CHCT1: variants seen among roughly 807,000 people sequenced by gnomAD.
The protein encoded by CHCT1 is CHD1 helical C-terminal domain containing protein 1.
At chr17:60,428,394 G>T in the CHCT1 span, among the ~76,000 whole-genome samples, 3 of 151,930 alleles carry the variant, frequency 2.0e-5, no homozygotes, top group Admixed American at 2.0e-4. Flanking sequence ...CTCTGAACAT[G>T]TAACGATTGG....
chr17:60,422,338 T>A, the CHCT1 span: 9 of 874,392 alleles, frequency 1.0e-5, no homozygotes, highest in Non-Finnish European at 1.5e-5. Context: ...AAGTCTTCGC[T>A]CGACCCCGCA....
the CHCT1 span, chr17:60,426,228 A>C: frequency 1.9e-6 from 3 of 1,551,888 alleles, no homozygotes; most frequent in South Asian, 1.2e-5. Flanking sequence ...GACCTTCCCC[A>C]GAAGAAGAAG....
At chr17:60,421,372 C>T in the CHCT1 span, 1 of 985,380 alleles carries the variant, frequency 1.0e-6, no homozygotes, top group East Asian at 1.1e-4. Flanking sequence ...GCTACCCCTA[C>T]TTGAAGCCGC....
chr17:60,431,172 C>T, the CHCT1 span: 3 of 1,579,196 alleles, frequency 1.9e-6, no homozygotes, highest in South Asian at 3.4e-5. Context: ...CTGACCTTCT[C>T]TTTTTCAGAT....
At chr17:60,426,057 G>T in the CHCT1 span, 1 of 1,341,726 alleles carries the variant, frequency 7.5e-7, no homozygotes, top group Non-Finnish European at 1.0e-6. Flanking sequence ...CGCAGCACTG[G>T]GCCACTCAGG....
At chr17:60,423,519 A>G in the CHCT1 span, among the ~76,000 whole-genome samples, 2 of 151,426 alleles carry the variant, frequency 1.3e-5, no homozygotes, top group Admixed American at 1.3e-4. Flanking sequence ...GCTGGAGTGC[A>G]GTGGCTCAGT....
the CHCT1 span, chr17:60,429,650 A>T: frequency 3.1e-6 from 4 of 1,299,702 alleles, no homozygotes; most frequent in South Asian, 5.6e-5. Context: ...AGCAGCCGGG[A>T]GCCTCTGCCC....
the CHCT1 span, chr17:60,421,768 C>T: frequency 2.2e-6 from 2 of 896,562 alleles, no homozygotes; most frequent in Non-Finnish European, 2.7e-6. Flanking sequence ...CCCTCGGCCT[C>T]GGGTCCCTGG....
the CHCT1 span, chr17:60,431,233 G>T: frequency 6.2e-7 from 1 of 1,605,042 alleles, no homozygotes; most frequent in South Asian, 1.1e-5. Flanking sequence ...AGAGGATAAA[G>T]GAAGCCCCAG....
chr17:60,425,664 A>G, the CHCT1 span: 1 of 684,112 alleles, frequency 1.5e-6, no homozygotes, highest in Non-Finnish European at 2.6e-6. Context: ...ATGCTGGGTC[A>G]AGAAGGTCTG....
chr17:60,426,844 C>T, the CHCT1 span: 2 of 1,570,386 alleles, frequency 1.3e-6, no homozygotes, highest in East Asian at 2.4e-5. Flanking sequence ...TCCGCCCGAG[C>T]ACAGCTGAGG....
chr17:60,429,567 A>T, the CHCT1 span: 1 of 1,612,686 alleles, frequency 6.2e-7, no homozygotes, highest in Admixed American at 1.7e-5. Flanking sequence ...GGTAATGACC[A>T]TTTGGTGTTG....
the CHCT1 span, chr17:60,421,489 C>A: frequency 9.1e-6 from 9 of 985,466 alleles, no homozygotes; most frequent in East Asian, 9.1e-4. Flanking sequence ...CAGGGCCACA[C>A]TGAGTGGGGA....
chr17:60,426,133 C>G, the CHCT1 span: 1 of 1,548,440 alleles, frequency 6.5e-7, no homozygotes, highest in Non-Finnish European at 8.7e-7. Flanking sequence ...TCTCCCATGG[C>G]CCCTCACCTC....
At chr17:60,429,557 G>C in the CHCT1 span, 44 of 1,613,358 alleles carry the variant, frequency 2.7e-5, no homozygotes, top group Non-Finnish European at 3.5e-5. Flanking sequence ...TGTCAAGAAA[G>C]GTAATGACCA....
the CHCT1 span, chr17:60,429,385 G>T: frequency 3.1e-6 from 5 of 1,613,782 alleles, no homozygotes; most frequent in Non-Finnish European, 4.2e-6. Flanking sequence ...CCTCGGATGC[G>T]CCGGAGAGGT....
the CHCT1 span, among the ~76,000 whole-genome samples, chr17:60,428,210 T>G: frequency 1.3e-5 from 2 of 152,116 alleles, no homozygotes; most frequent in African/African-American, 4.8e-5. Flanking sequence ...TAAATGAAGA[T>G]CCCAAATACA....
At chr17:60,426,730 G>T in the CHCT1 span, 3 of 1,610,956 alleles carry the variant, frequency 1.9e-6, no homozygotes, top group East Asian at 4.5e-5. Context: ...TGCTCTGGCG[G>T]TTCATCTCCC....
the CHCT1 span, among the ~76,000 whole-genome samples, chr17:60,430,924 C>T: frequency 6.6e-6 from 1 of 152,230 alleles, no homozygotes; most frequent in Non-Finnish European, 1.5e-5. Context: ...CCTGACTCTT[C>T]CCCTAACTTG....
Sources: gnomAD v4.1 joint callset for allele counts (sites outside exome capture counted in the v4.1 genomes callset) on GRCh38, gnomAD v4.1.1 for gene constraint, MANE v1.5 for transcripts, NCBI Gene and HGNC (gene_info 2026-07-23, HGNC 2026-07-21) for gene names.